CAP2: variants seen among roughly 807,000 people sequenced by gnomAD.
CAP2 encodes adenylyl cyclase-associated protein 2.
In CAP2, 24 loss-of-function variants were observed where a neutral mutation model predicts 57.7. The observed-to-expected ratio is 0.42, with a 90% CI of 0.30 to 0.58. The LOEUF is 0.58. Ranked by LOEUF, CAP2 falls within the 20% of genes least tolerant of loss-of-function variation. CAP2 has a pLI of 0.22. For synonymous variants in CAP2, 194 were observed against 207.2 expected (o/e 0.94, Z 0.55); for missense variants, 501 against 590.3 (o/e 0.85, Z 1.57).
chr6:17,526,120 C>CTTTTT (rs1372740605), intron 7 of CAP2, among the ~76,000 whole-genome samples: 2 of 142,318 alleles, frequency 1.4e-5, no homozygotes. Flanking sequence ...GAAAATGTGT[C>CTTTTT]TTTTTTTTTT....
At chr6:17,523,019 C>A (rs1762425220) in intron 7 of CAP2, among the ~76,000 whole-genome samples, 1 of 152,150 alleles carries the variant, frequency 6.6e-6, no homozygotes, top group Non-Finnish European at 1.5e-5. Context: ...CAGGTGTGAG[C>A]CACCGTACCC....
intron 11 of CAP2, among the ~76,000 whole-genome samples, chr6:17,544,124 C>A (rs1395776298): frequency 0.012 from 1,277 of 106,802 alleles, no homozygotes; most frequent in Middle Eastern, 0.018. Context: ...GACTCTGTCT[C>A]AAAAAAAAAA....
chr6:17,545,480 C>T (rs1373493677), intron 11 of CAP2, among the ~76,000 whole-genome samples: 1 of 152,076 alleles, frequency 6.6e-6, no homozygotes, highest in East Asian at 1.9e-4. Context: ...AATTTTCAAA[C>T]AGATAGGCAG....
chr6:17,482,402 G>A (rs771629968), intron 4 of CAP2, among the ~76,000 whole-genome samples: 7 of 150,856 alleles, frequency 4.6e-5, no homozygotes, highest in Admixed American at 1.3e-4. Flanking sequence ...CCAGCTACTC[G>A]GGAGGCTGAG....
chr6:17,517,107 A>G (rs780992389), intron 7 of CAP2, among the ~76,000 whole-genome samples: 5 of 152,210 alleles, frequency 3.3e-5, no homozygotes, highest in Non-Finnish European at 2.9e-5. Flanking sequence ...TTGTACAGCC[A>G]TGTATCATAA....
chr6:17,478,740 C>T (rs1245640284), intron 4 of CAP2, among the ~76,000 whole-genome samples: 1 of 152,162 alleles, frequency 6.6e-6, no homozygotes, highest in East Asian at 1.9e-4. Context: ...GTCATGTCCT[C>T]ACTTCCCTGT....
intron 3 of CAP2, among the ~76,000 whole-genome samples, chr6:17,429,958 G>T (rs537125229): frequency 2.0e-5 from 3 of 152,286 alleles, no homozygotes; most frequent in Admixed American, 2.0e-4. Flanking sequence ...TTTATTCCAA[G>T]AACACACCTG....
chr6:17,496,029 G>GCGGGA (rs1554127011), intron 4 of CAP2, among the ~76,000 whole-genome samples: 5 of 125,840 alleles, frequency 4.0e-5, no homozygotes, highest in African/African-American at 6.2e-5. Flanking sequence ...TGTGTGGGTG[G>GCGGGA]GGGGGGGGGG....
Position 17,500,350 on chromosome 6 carries a change from T to TATATATATAC in CAP2, c.301-6810_301-6809insCATATATATA, listed in dbSNP as rs1761778601. Among the ~76,000 whole-genome samples the TATATATATAC allele has an allele frequency of 1.1e-4, 8 of 75,348 alleles. 1 individual carries two copies. In the South Asian group the frequency reaches 3.8e-3, roughly 35 times the overall value. 49.4% of individuals were successfully genotyped at this position (75,348 alleles called of 152,430 possible). A position where few individuals can be genotyped will look rare whatever the true frequency, so the allele number is the denominator to read the frequency against. ...ATATGTGTGTGTCCAAATATATATATATATATATATATATATATATATATA... is the reference window on the plus strand; with the variant it reads ...ATATGTGTGTGTCCAAATATATATATATATATATACATATATATATATATATATATATATA... On this transcript the variant is annotated intron_variant, in intron 4 of 12. Transcript: ENST00000229922.
intron 3 of CAP2, among the ~76,000 whole-genome samples, chr6:17,438,175 G>A (rs1183769688): frequency 6.8e-6 from 1 of 148,130 alleles, no homozygotes; most frequent in Non-Finnish European, 1.5e-5. Context: ...AGACCAGCTT[G>A]GCCAACATGG....
At chr6:17,406,592 C>T (rs944870935) in intron 1 of CAP2, among the ~76,000 whole-genome samples, 1 of 151,898 alleles carries the variant, frequency 6.6e-6, no homozygotes, top group South Asian at 2.1e-4. Flanking sequence ...CAAGGTTTCA[C>T]CATATTGGTC....
intron 3 of CAP2, among the ~76,000 whole-genome samples, chr6:17,432,885 C>T (rs762474723): frequency 4.6e-5 from 7 of 151,208 alleles, no homozygotes; most frequent in Admixed American, 1.3e-4. Flanking sequence ...CCCTTCCTTC[C>T]GTCTCCCTTT....
At chr6:17,451,426 A>G (rs1399319788) in intron 3 of CAP2, among the ~76,000 whole-genome samples, 1 of 152,046 alleles carries the variant, frequency 6.6e-6, no homozygotes, top group African/African-American at 2.4e-5. Context: ...TGTTACTCAC[A>G]TGCACTAATG....
chr6:17,420,552 C>T (rs761435188), intron 1 of CAP2, among the ~76,000 whole-genome samples: 5 of 152,126 alleles, frequency 3.3e-5, no homozygotes, highest in Non-Finnish European at 7.3e-5. Flanking sequence ...CAAGGATTAT[C>T]GGTAGGTTTA....
chr6:17,528,370 C>T (rs770284377), intron 7 of CAP2, among the ~76,000 whole-genome samples: 5 of 152,208 alleles, frequency 3.3e-5, no homozygotes, highest in Non-Finnish European at 7.3e-5. Flanking sequence ...TTTACAGGTA[C>T]TAATATAGAC....
At position 17,507,171 on chromosome 6, in the gene CAP2, T is replaced by C; in HGVS notation, c.303T>C (p.Asn101=). The C allele has an allele frequency of 6.2e-7, 1 of 1,614,206 alleles. No individual in the cohort carries two copies. Among genetic ancestry groups the C allele is most frequent in the Non-Finnish European group, 8.5e-7 (1 of 1,180,012 alleles). Residue 101 remains asparagine, a splice_region_variant and synonymous_variant, in exon 5 of 13, where the codon AAT becomes AAC. Transcript: ENST00000229922. ...MASQYQQPHE[N]DVAALLKPIS... ...CCCCGATGTTTGACTGCTTACAGAA[T>C]GACGTGGCCGCACTTCTGAAACCCA...
intron 1 of CAP2, among the ~76,000 whole-genome samples, chr6:17,407,347 C>T (rs554722303): frequency 1.3e-5 from 2 of 152,234 alleles, no homozygotes; most frequent in South Asian, 2.1e-4. Flanking sequence ...GGTGTGGTGG[C>T]TCATGTCTGT....
intron 4 of CAP2, among the ~76,000 whole-genome samples, chr6:17,490,167 A>T (rs775942937): frequency 2.0e-5 from 3 of 152,176 alleles, no homozygotes; most frequent in Non-Finnish European, 4.4e-5. Flanking sequence ...CTGCAGTGCA[A>T]ATTGAGGGAA....
chr6:17,426,686 C>A lies in CAP2; in HGVS notation c.218C>A (p.Thr73Asn), dbSNP rs766565075. The change falls in exon 3 of 13, where the codon ACC becomes AAC. Residue 73 changes from threonine to asparagine, a missense_variant. Transcript: ENST00000229922. ...NSRILAGDVETHAEMVHSAFQ... is the reference protein window; with the variant it reads ...NSRILAGDVENHAEMVHSAFQ... Reference sequence around the variant, plus strand: ...AGGATCCTTGCTGGGGACGTGGAGACCCATGTAAGTACTTTCCTCCCCTGT... The same window carrying A: ...AGGATCCTTGCTGGGGACGTGGAGAACCATGTAAGTACTTTCCTCCCCTGT... The A allele has an allele frequency of 6.2e-7, 1 of 1,608,752 alleles. No individual in the cohort carries two copies. Among genetic ancestry groups the A allele is most frequent in the South Asian group, 1.1e-5 (1 of 90,972 alleles).
Sources: gnomAD v4.1 joint callset for allele counts (sites outside exome capture counted in the v4.1 genomes callset) on GRCh38, gnomAD v4.1.1 for gene constraint, MANE v1.5 for transcripts, NCBI Gene and HGNC (gene_info 2026-07-23, HGNC 2026-07-21) for gene names.